The following LY96 variants were observed in gnomAD, a reference collection of about 807,000 sequenced individuals.
The protein encoded by LY96 is lymphocyte antigen 96.
Under a neutral mutation model 18.9 loss-of-function variants are expected in LY96, and 18 were observed. The observed-to-expected ratio is 0.95, with a 90% CI of 0.66 to 1.41. The LOEUF is 1.41. Ranked by LOEUF, LY96 falls within the 40% of genes most tolerant of loss-of-function variation. The pLI is 0.00. For synonymous variants in LY96, 66 were observed against 62.6 expected, an observed-to-expected ratio of 1.06 and a Z score of -0.26; for missense variants, 175 against 182.4, an observed-to-expected ratio of 0.96 and a Z score of 0.23.
intron 1 of LY96, among the ~76,000 whole-genome samples, chr8:73,992,537 G>A (rs1816025040): frequency 6.6e-6 from 1 of 152,148 alleles, no homozygotes; most frequent in Admixed American, 6.5e-5. Context: ...TTGTGTTTTA[G>A]TCTGGAGTGT....
At position 74,010,250 on chromosome 8, in the gene LY96, A is replaced by G. The variant is rs1332176743; in HGVS notation, c.331+121A>G. 11 of 926,754 alleles carry G rather than the reference A, an allele frequency of 1.2e-5. No homozygotes were observed. In the East Asian group the frequency reaches 1.6e-4, roughly 14 times the overall value. The allele number at this position is 926,754 out of a possible 1,614,324, so 57.4% of individuals were successfully genotyped here. ...CTGCTAATAATTCTTTTTCCATCCA[A>G]AGTTTTTACTTTAGCAGCTTAAATA... On this transcript the variant is annotated intron_variant, in intron 3 of 4. Coordinates refer to ENST00000284818, the MANE Select transcript of LY96 (RefSeq NM_015364.5).
intron 2 of LY96, among the ~76,000 whole-genome samples, chr8:74,009,231 CTAAAAAT>C (rs1816476933): frequency 6.6e-6 from 1 of 151,598 alleles, no homozygotes. Flanking sequence ...CCCATCTCTA[CTAAAAAT>C]ACAAAAATTA....
chr8:74,075,321 A>G, the LY96 span, among the ~76,000 whole-genome samples: 1 of 152,208 alleles, frequency 6.6e-6, no homozygotes, highest in African/African-American at 2.4e-5. Context: ...ACCAGGCTGG[A>G]GTGCAGTGGC....
the LY96 span, among the ~76,000 whole-genome samples, chr8:74,086,048 C>A: frequency 6.6e-6 from 1 of 152,184 alleles, no homozygotes; most frequent in Non-Finnish European, 1.5e-5. Context: ...CAACCACCCC[C>A]CTCCCAGCCC....
intron 2 of LY96, among the ~76,000 whole-genome samples, chr8:74,009,614 C>T (rs757321129): frequency 8.1e-4 from 124 of 152,220 alleles, no homozygotes; most frequent in Non-Finnish European, 1.3e-3. Flanking sequence ...CATCAGAACT[C>T]CTAGAAAGTT....
At chr8:74,008,051 C>T (rs755343081) in intron 2 of LY96, among the ~76,000 whole-genome samples, 11 of 152,186 alleles carry the variant, frequency 7.2e-5, no homozygotes, top group Admixed American at 2.6e-4. Flanking sequence ...TGAGCCACCG[C>T]GCCCAGCCCA....
the LY96 span, among the ~76,000 whole-genome samples, chr8:74,076,064 C>T: frequency 6.6e-6 from 1 of 152,032 alleles, no homozygotes; most frequent in Non-Finnish European, 1.5e-5. Flanking sequence ...CCTTTTTACC[C>T]CTCCTTTCTC....
intron 1 of LY96, among the ~76,000 whole-genome samples, chr8:73,995,690 C>CT (rs1248634001): frequency 6.6e-6 from 1 of 152,018 alleles, no homozygotes; most frequent in African/African-American, 2.4e-5. Context: ...CACATGCTTT[C>CT]CTATGATCCT....
Position 73,996,386 on chromosome 8 carries a change from T to A in LY96, c.112+4832T>A, listed in dbSNP as rs1336661932. 1.3e-3 allele frequency among the ~76,000 whole-genome samples: 54 copies of A among 42,574 alleles called. 3 individuals are homozygous for A. The highest frequency in any genetic ancestry group is 3.0e-3 in the African/African-American group (27 of 8,990). The allele number at this position is 42,574 out of a possible 152,430, so 27.9% of individuals were successfully genotyped here. On this transcript the variant is annotated intron_variant, in intron 1 of 4. Transcript: ENST00000284818. ...CTTCCTTCATTCCTTTCTTTCTTTCTTTCTTTCTTTCTTTCTTTCTTTCTT... is the reference window on the plus strand; with the variant it reads ...CTTCCTTCATTCCTTTCTTTCTTTCATTCTTTCTTTCTTTCTTTCTTTCTT...
the LY96 span, among the ~76,000 whole-genome samples, chr8:74,082,450 G>A: frequency 6.6e-6 from 1 of 152,140 alleles, no homozygotes; most frequent in Non-Finnish European, 1.5e-5. Context: ...AGTGCAATGT[G>A]TGCAGGTAAC....
At chr8:74,086,177 A>G in the LY96 span, among the ~76,000 whole-genome samples, 1 of 152,176 alleles carries the variant, frequency 6.6e-6, no homozygotes, top group African/African-American at 2.4e-5. Context: ...AGGTCTTAGC[A>G]TAAATGTCAC....
At chr8:74,035,407 A>C in the LY96 span, among the ~76,000 whole-genome samples, 9 of 151,998 alleles carry the variant, frequency 5.9e-5, no homozygotes, top group Non-Finnish European at 1.2e-4. Context: ...GTTATGGGGC[A>C]AAATAAAGAT....
downstream of LY96, among the ~76,000 whole-genome samples, chr8:74,030,303 A>G (rs1412434185): frequency 2.6e-5 from 4 of 152,160 alleles, no homozygotes; most frequent in African/African-American, 9.7e-5. Context: ...ACCTGAGGTC[A>G]GGAGTTTGAG....
At chr8:74,010,479 T>TG (rs1190443779) in intron 3 of LY96, among the ~76,000 whole-genome samples, 4 of 151,474 alleles carry the variant, frequency 2.6e-5, no homozygotes, top group African/African-American at 9.7e-5. Flanking sequence ...CACCAAGGGA[T>TG]AAAAAAATAA....
the LY96 span, among the ~76,000 whole-genome samples, chr8:74,096,167 A>T: frequency 0.095 from 14,506 of 152,164 alleles, 885 homozygotes; most frequent in Middle Eastern, 0.19. Context: ...ATCCACAAAC[A>T]TCCCTTGCAT....
At chr8:74,086,563 C>T in the LY96 span, among the ~76,000 whole-genome samples, 10 of 152,110 alleles carry the variant, frequency 6.6e-5, no homozygotes, top group Non-Finnish European at 1.3e-4. Flanking sequence ...CAAAGCTTGA[C>T]AAAAATGGTC....
chr8:74,093,385 A>G, the LY96 span, among the ~76,000 whole-genome samples: 1 of 152,260 alleles, frequency 6.6e-6, no homozygotes, highest in Non-Finnish European at 1.5e-5. Flanking sequence ...GGCACATAGC[A>G]GATGTTCAAC....
the LY96 span, among the ~76,000 whole-genome samples, chr8:74,090,487 C>G: frequency 6.6e-6 from 1 of 152,186 alleles, no homozygotes; most frequent in Non-Finnish European, 1.5e-5. Flanking sequence ...AATACCTTGA[C>G]AATGTTTTAT....
At chr8:74,063,001 T>C in the LY96 span, among the ~76,000 whole-genome samples, 1 of 152,198 alleles carries the variant, frequency 6.6e-6, no homozygotes, top group Admixed American at 6.5e-5. Flanking sequence ...GTATCAGAAA[T>C]CTTGGAGTGT....
Sources: gnomAD v4.1 joint callset for allele counts (sites outside exome capture counted in the v4.1 genomes callset) on GRCh38, gnomAD v4.1.1 for gene constraint, MANE v1.5 for transcripts, NCBI Gene and HGNC (gene_info 2026-07-23, HGNC 2026-07-21) for gene names.